The following KIF2A variants were observed in gnomAD, a reference collection of about 807,000 sequenced individuals.
KIF2A encodes kinesin-like protein KIF2A.
A neutral mutation model predicts 100.2 loss-of-function variants in KIF2A; 22 were observed. The ratio of observed to expected loss-of-function variants is 0.22; its 90% CI spans 0.16 to 0.31. KIF2A has a LOEUF of 0.31. Among genes scored for constraint, KIF2A ranks in the 10% least tolerant of loss-of-function variants. KIF2A has a pLI of 1.00. For missense variants in KIF2A, 495 were observed against 898.7 expected (o/e 0.55, Z 5.74); for synonymous variants, 268 against 285.9 (o/e 0.94, Z 0.63).
rs761806997 is a variant in KIF2A at position 62,350,126 on chromosome 5, G to A, written c.334+6G>A. On this transcript the variant is annotated splice_donor_region_variant and intron_variant, in intron 4 of 20. Transcript: ENST00000407818. ...TCCTTCAAGAGATAATAGAGGTAAA[G>A]TAAAAATTTATCTCTTAATTTTGGC... 8 of 1,542,324 alleles carry A rather than the reference G, an allele frequency of 5.2e-6. No individual in the cohort carries two copies. The African/African-American group carries it at 9.7e-5, about 19-fold the overall frequency.
chr5:62,353,525 T>C, intron 6 of KIF2A, 150 bp downstream of exon 6: 1 of 478,886 alleles, frequency 2.1e-6, no homozygotes, highest in Non-Finnish European at 3.8e-6. Context: ...TAATATAAAC[T>C]CTTGTGCAAA....
intron 9 of KIF2A, 126 bp from the exon 10 acceptor site, chr5:62,361,116 C>T: frequency 5.9e-6 from 3 of 504,318 alleles, no homozygotes; most frequent in Non-Finnish European, 6.9e-6. Context: ...AAATTTTTAA[C>T]AAAGATTTGT....
At chr5:62,346,537 C>T (rs1747579585) in intron 1 of KIF2A, among the ~76,000 whole-genome samples, 1 of 152,098 alleles carries the variant, frequency 6.6e-6, no homozygotes, top group African/African-American at 2.4e-5. Context: ...GCCAGGATTT[C>T]GATACCAGCC....
At position 62,388,847 on chromosome 5, in the gene KIF2A, C is replaced by T. The variant is rs1195152112; in HGVS notation, c.*3278C>T. On this transcript the variant is annotated 3_prime_UTR_variant, in exon 21 of 21. Transcript: ENST00000407818. ...AACTTTGATACTTAGAACTTTCCAA[C>T]TTTAAAATTCAGAATCATAAATGGT... 8 of 666,936 alleles carry T rather than the reference C, an allele frequency of 1.2e-5. No homozygotes were observed. The highest frequency in any genetic ancestry group is 2.1e-5 in the Non-Finnish European group (8 of 384,488). The allele number at this position is 666,936 out of a possible 1,614,324, so 41.3% of individuals were successfully genotyped here. A position where few individuals can be genotyped will look rare whatever the true frequency, so the allele number is the denominator to read the frequency against.
At chr5:62,336,849 G>A (rs1428394552) in intron 1 of KIF2A, among the ~76,000 whole-genome samples, 1 of 151,988 alleles carries the variant, frequency 6.6e-6, no homozygotes, top group East Asian at 1.9e-4. Context: ...GTTTATTCTT[G>A]GAAAAGACAA....
chr5:62,330,117 G>A (rs554422717), intron 1 of KIF2A, among the ~76,000 whole-genome samples: 6 of 152,256 alleles, frequency 3.9e-5, no homozygotes, highest in South Asian at 2.1e-4. Context: ...TTGGGAGGCC[G>A]AGGTGAGCAG....
intron 1 of KIF2A, among the ~76,000 whole-genome samples, chr5:62,320,072 G>A (rs543215628): frequency 1.3e-5 from 2 of 152,138 alleles, no homozygotes; most frequent in African/African-American, 4.8e-5. Context: ...GTATAAATAT[G>A]TGTAAATATA....
At chr5:62,327,313 ACTT>A (rs1447866410) in intron 1 of KIF2A, among the ~76,000 whole-genome samples, 2 of 152,050 alleles carry the variant, frequency 1.3e-5, no homozygotes, top group African/African-American at 4.8e-5. Flanking sequence ...CCTTTTGACT[ACTT>A]TATTGCCTAA....
In KIF2A at chr5:62,353,381, TA is replaced by T; in HGVS notation, c.558+8del. On this transcript the variant is annotated splice_region_variant and intron_variant, in intron 6 of 20. Coordinates refer to ENST00000407818, the MANE Select transcript of KIF2A (RefSeq NM_001098511.3). ...TTAGAGAAAAAAGAGCCCAGGTTCG[TA>T]ACATAAACATATATTTTGTTTATGT... 6.8e-7 allele frequency: 1 copy of T among 1,461,910 alleles called. No homozygotes were observed. The highest frequency in any genetic ancestry group is 9.3e-7 in the Non-Finnish European group (1 of 1,080,798). 90.6% of individuals were successfully genotyped at this position (1,461,910 alleles called of 1,614,324 possible). A position where few individuals can be genotyped will look rare whatever the true frequency, so the allele number is the denominator to read the frequency against.
intron 1 of KIF2A, among the ~76,000 whole-genome samples, chr5:62,345,456 A>C (rs1407507257): frequency 6.6e-6 from 1 of 151,100 alleles, no homozygotes; most frequent in Non-Finnish European, 1.5e-5. Context: ...AGGCTGAGGC[A>C]TGAGAATCGC....
chr5:62,310,825 TA>T (rs907989584), intron 1 of KIF2A, among the ~76,000 whole-genome samples: 1 of 152,222 alleles, frequency 6.6e-6, no homozygotes, highest in East Asian at 1.9e-4. Context: ...CACTGACTCT[TA>T]AAAAAACCTA....
chr5:62,353,463 A>G, intron 6 of KIF2A, 88 bp downstream of exon 6: 1 of 558,556 alleles, frequency 1.8e-6, no homozygotes, highest in Non-Finnish European at 3.0e-6. Flanking sequence ...CAAAATAATT[A>G]AGGCATTTTT....
At chr5:62,381,080 A>G (rs1158584788) in intron 19 of KIF2A, 38 bp from the exon 20 acceptor site, 1 of 1,536,356 alleles carries the variant, frequency 6.5e-7, no homozygotes, top group Non-Finnish European at 8.9e-7. Context: ...CTGTTGCACA[A>G]AGATGCTTAT....
At chr5:62,377,599 C>A in intron 18 of KIF2A, 62 bp from the exon 19 acceptor site, 2 of 869,186 alleles carry the variant, frequency 2.3e-6, no homozygotes, top group Non-Finnish European at 3.3e-6. Context: ...TTAAAAAAAA[C>A]TACTTTTATA....
chr5:62,314,132 A>C (rs77349966), intron 1 of KIF2A, among the ~76,000 whole-genome samples: 3,260 of 152,226 alleles, frequency 0.021, 127 homozygotes, highest in African/African-American at 0.074. Context: ...CCAGCACCTG[A>C]CAGCAGGTTT....
intron 1 of KIF2A, among the ~76,000 whole-genome samples, chr5:62,339,172 G>A (rs1747136314): frequency 6.6e-6 from 1 of 152,198 alleles, no homozygotes; most frequent in South Asian, 2.1e-4. Context: ...CAGCTTCTGG[G>A]AAGGTCTCAT....
intron 1 of KIF2A, among the ~76,000 whole-genome samples, chr5:62,329,067 C>T (rs991411414): frequency 6.6e-6 from 1 of 151,928 alleles, no homozygotes; most frequent in African/African-American, 2.4e-5. Context: ...AAAATTTGTC[C>T]CGTTTTTAAG....
chr5:62,335,339 G>A (rs1335172792), intron 1 of KIF2A, among the ~76,000 whole-genome samples: 2 of 152,186 alleles, frequency 1.3e-5, no homozygotes, highest in East Asian at 1.9e-4. Flanking sequence ...CTGCTCTGGA[G>A]TATTCATCAC....
intron 1 of KIF2A, among the ~76,000 whole-genome samples, chr5:62,322,059 A>G (rs2111811294): frequency 6.6e-6 from 1 of 152,202 alleles, no homozygotes; most frequent in South Asian, 2.1e-4. Flanking sequence ...AGCTAGGACC[A>G]CAGGCACAAG....
Sources: gnomAD v4.1 joint callset for allele counts (sites outside exome capture counted in the v4.1 genomes callset) on GRCh38, gnomAD v4.1.1 for gene constraint, MANE v1.5 for transcripts, NCBI Gene and HGNC (gene_info 2026-07-23, HGNC 2026-07-21) for gene names.